Variants in NTF3 observed in about 807,000 individuals in gnomAD.
NTF3 encodes the protein neurotrophin-3.
NTF3 carries 8 observed loss-of-function variants against 26.3 expected under a neutral mutation model. The ratio of observed to expected loss-of-function variants is 0.30; its 90% confidence interval spans 0.18 to 0.55. The LOEUF (loss-of-function observed/expected upper bound fraction) is 0.55, where lower values mean the gene tolerates loss of function less well. NTF3 is among the 20% of genes least tolerant of loss of function. NTF3 has a pLI of 0.93. For missense variants in NTF3, 276 were observed against 352.9 expected (o/e 0.78, Z 1.75); for synonymous variants, 154 against 145.5 (o/e 1.06, Z -0.42).
At chr12:5,479,125 A>G (rs1026413418) in intron 1 of NTF3, among the ~76,000 whole-genome samples, 1 of 152,200 alleles carries the variant, frequency 6.6e-6, no homozygotes, top group African/African-American at 2.4e-5. Context: ...ATTGTTTTAG[A>G]TACAATTTTG....
chr12:5,448,812 A>C (rs1940336371), intron 1 of NTF3, among the ~76,000 whole-genome samples: 1 of 152,238 alleles, frequency 6.6e-6, no homozygotes, highest in Non-Finnish European at 1.5e-5. Flanking sequence ...CACAAGAGAA[A>C]GAAAAATAGG....
At chr12:5,430,417 T>G (rs1412597806), upstream of NTF3, among the ~76,000 whole-genome samples, 1 of 151,460 alleles carries the variant, frequency 6.6e-6, no homozygotes, top group Non-Finnish European at 1.5e-5. Context: ...GTCGATATTT[T>G]GGCACGAGGG....
chr12:5,473,393 C>T (rs1940688999), intron 1 of NTF3, among the ~76,000 whole-genome samples: 1 of 152,216 alleles, frequency 6.6e-6, no homozygotes, highest in Non-Finnish European at 1.5e-5. Context: ...GAAGCCCTCC[C>T]AGAGCCTTGT....
In NTF3 at chr12:5,456,106, C is replaced by T. The variant is rs1483131533; in HGVS notation, c.18+23764C>T. Among the ~76,000 whole-genome samples, 1 of 152,186 alleles carries T rather than the reference C, an allele frequency of 6.6e-6. No homozygotes were observed. The highest frequency in any genetic ancestry group is 2.1e-4 in the South Asian group (1 of 4,830). ...CTCCAGTCAATGGTGGGCTGTCAGT[C>T]GTCAGCTGAGGTTGAGCTTTCCTTA... On this transcript the variant is annotated intron_variant, in intron 1 of 1. Transcript: ENST00000423158. The surrounding 1 kb of genome is among the most constrained non-coding windows in gnomAD (Gnocchi z 4.4).
rs368920721 is a variant in NTF3 at position 5,494,661 on chromosome 12, C to T, written c.486C>T (p.Tyr162=). 7.5e-5 allele frequency: 121 copies of T among 1,614,014 alleles called. 2 individuals are homozygous for T. Among genetic ancestry groups the T allele is most frequent in the Middle Eastern group, 1.6e-4 (1 of 6,084 alleles). ...YAEHKSHRGE[Y]SVCDSESLWV... is the part of the protein sequence containing the mutation. ...AGCATAAGAGTCACCGAGGGGAGTACTCGGTATGTGACAGTGAGAGTCTGT... is the reference window on the plus strand; with the variant it reads ...AGCATAAGAGTCACCGAGGGGAGTATTCGGTATGTGACAGTGAGAGTCTGT... Residue 162 remains tyrosine, a synonymous_variant, in exon 2 of 2, where the codon TAC becomes TAT. Transcript: ENST00000423158. The surrounding 1 kb of genome is among the most constrained non-coding windows in gnomAD (Gnocchi z 8.3).
At chr12:5,485,237 C>T (rs11063708) in intron 1 of NTF3, among the ~76,000 whole-genome samples, 66,112 of 152,112 alleles carry the variant, frequency 0.43, 14,429 homozygotes, top group South Asian at 0.51. Context: ...TTCAGAGGAT[C>T]TGTCTTGAAT....
intron 1 of NTF3, among the ~76,000 whole-genome samples, chr12:5,442,472 TC>T (rs1419448979): frequency 6.6e-6 from 1 of 152,098 alleles, no homozygotes; most frequent in Non-Finnish European, 1.5e-5. Context: ...CTCAGAAGTA[TC>T]CCTGCTCGTG....
intron 1 of NTF3, among the ~76,000 whole-genome samples, chr12:5,461,819 A>G (rs1940529614): frequency 6.6e-6 from 1 of 152,222 alleles, no homozygotes; most frequent in Non-Finnish European, 1.5e-5. Flanking sequence ...AAGCCCTTAG[A>G]AGGGAAACCT....
At chr12:5,461,222 A>C (rs550008323) in intron 1 of NTF3, among the ~76,000 whole-genome samples, 1 of 152,328 alleles carries the variant, frequency 6.6e-6, no homozygotes, top group South Asian at 2.1e-4. Flanking sequence ...TGCTCCAAGC[A>C]TGACGTCTGT....
chr12:5,432,381 G>T, intron 1 of NTF3, 39 bp downstream of exon 1: 1 of 1,606,998 alleles, frequency 6.2e-7, no homozygotes. Context: ...GGGCAGGTTT[G>T]GGGATGGGGG....
chr12:5,490,967 C>G (rs1459918173), intron 1 of NTF3, among the ~76,000 whole-genome samples: 8 of 152,240 alleles, frequency 5.3e-5, no homozygotes, highest in African/African-American at 1.9e-4. Flanking sequence ...TTCATGTTCT[C>G]TAACATTTCT....
At position 5,433,711 on chromosome 12, in the gene NTF3, C is replaced by T. The variant is rs893048643; in HGVS notation, c.18+1369C>T. ...GGGAAACACCGAAAAGATCGTCTGGCCTCGGCCTCTGGCGGCGGGCGGCAG... is the reference window on the plus strand; with the variant it reads ...GGGAAACACCGAAAAGATCGTCTGGTCTCGGCCTCTGGCGGCGGGCGGCAG... On this transcript the variant is annotated intron_variant, in intron 1 of 1. Coordinates refer to ENST00000423158, the MANE Select transcript of NTF3 (RefSeq NM_001102654.2). The surrounding 1 kb of genome is among the most constrained non-coding windows in gnomAD (Gnocchi z 4.6). Among the ~76,000 whole-genome samples, 20 of 152,228 alleles carry T rather than the reference C, an allele frequency of 1.3e-4. No homozygotes were observed. Among genetic ancestry groups the T allele is most frequent in the African/African-American group, 4.6e-4 (19 of 41,558 alleles).
In NTF3 at chr12:5,455,063, C is replaced by A. The variant is rs918972198; in HGVS notation, c.18+22721C>A. Among the ~76,000 whole-genome samples the A allele has an allele frequency of 2.6e-5, 4 of 152,174 alleles. 1 individual carries two copies. The South Asian group carries it at 8.3e-4, about 31-fold the overall frequency. ...AATAACATTCTCAGCAGGAGCCTAACGTGTGGAGCAAATGGGAGCACTGGG... is the reference window on the plus strand; with the variant it reads ...AATAACATTCTCAGCAGGAGCCTAAAGTGTGGAGCAAATGGGAGCACTGGG... On this transcript the variant is annotated intron_variant, in intron 1 of 1. Coordinates refer to ENST00000423158, the MANE Select transcript of NTF3 (RefSeq NM_001102654.2).
intron 1 of NTF3, among the ~76,000 whole-genome samples, chr12:5,462,151 C>A (rs543622994): frequency 6.6e-6 from 1 of 152,238 alleles, no homozygotes; most frequent in African/African-American, 2.4e-5. Context: ...TTCTTTTCCA[C>A]TGTCATGCCT....
chr12:5,493,873 A>G (rs2121261278), intron 1 of NTF3, among the ~76,000 whole-genome samples: 1 of 152,308 alleles, frequency 6.6e-6, no homozygotes, highest in East Asian at 1.9e-4. Context: ...GCGTCTTTGC[A>G]GGCTCAAGGG....
In NTF3 at chr12:5,456,946, G is replaced by A. The variant is rs566046865; in HGVS notation, c.18+24604G>A. On this transcript the variant is annotated intron_variant, in intron 1 of 1. Transcript: ENST00000423158. The surrounding 1 kb of genome is among the most constrained non-coding windows in gnomAD (Gnocchi z 4.4). ...AGGTGCTGAGGGAGGCAGGGGGCCC[G>A]CAGAACGGCCTCCCATCTCCACTGC... is the stretch of plus-strand genomic sequence containing the variant. Among the ~76,000 whole-genome samples the A allele has an allele frequency of 3.3e-5, 5 of 152,256 alleles. No individual in the cohort carries two copies. The highest frequency in any genetic ancestry group is 3.9e-4 in the East Asian group (2 of 5,168).
intron 1 of NTF3, among the ~76,000 whole-genome samples, chr12:5,468,288 TA>T (rs1190690951): frequency 3.3e-5 from 5 of 152,228 alleles, no homozygotes; most frequent in African/African-American, 1.2e-4. Context: ...ACCGTGCCTG[TA>T]ATTACTTTTT....
intron 1 of NTF3, among the ~76,000 whole-genome samples, chr12:5,469,766 G>T (rs1940641710): frequency 6.6e-6 from 1 of 152,020 alleles, no homozygotes; most frequent in Non-Finnish European, 1.5e-5. Flanking sequence ...TGTTTTATTT[G>T]GGGATAATTT....
At chr12:5,464,491 A>G (rs553047018) in intron 1 of NTF3, among the ~76,000 whole-genome samples, 79 of 152,352 alleles carry the variant, frequency 5.2e-4, no homozygotes, top group Non-Finnish European at 1.0e-3. Flanking sequence ...AGATACTGTC[A>G]ATCAAAAATG....
Sources: gnomAD v4.1 joint callset for allele counts (sites outside exome capture counted in the v4.1 genomes callset) on GRCh38, gnomAD v4.1.1 for gene constraint, Gnocchi (gnomAD v3.1) non-coding constraint, MANE v1.5 for transcripts, NCBI Gene and HGNC (gene_info 2026-07-23, HGNC 2026-07-21) for gene names.